Variants in MYBPC1 observed in about 807,000 individuals in gnomAD.
The protein encoded by MYBPC1 is myosin binding protein C1, also known as myosin-binding protein C, slow-type.
A neutral mutation model predicts 147.1 loss-of-function variants in MYBPC1; 52 were observed. The ratio of observed to expected loss-of-function variants is 0.35; its 90% CI spans 0.28 to 0.45. The LOEUF (loss-of-function observed/expected upper bound fraction) is 0.45. Ranked by LOEUF, MYBPC1 falls within the 20% of genes least tolerant of loss-of-function variation. The pLI is 1.00. For missense variants in MYBPC1, 1,228 were observed against 1,440.3 expected, an observed-to-expected ratio of 0.85 and a Z score of 2.39; for synonymous variants, 477 against 475.9, an observed-to-expected ratio of 1.00 and a Z score of -0.03.
chr12:101,632,666 G>A (rs1629916), intron 8 of MYBPC1, among the ~76,000 whole-genome samples: 21,432 of 152,256 alleles, frequency 0.14, 1,818 homozygotes, highest in Middle Eastern at 0.26. Context: ...TGACTTGGCA[G>A]CAAATATTAT....
At chr12:101,627,445 G>T (rs576352150) in intron 4 of MYBPC1, among the ~76,000 whole-genome samples, 3 of 152,170 alleles carry the variant, frequency 2.0e-5, no homozygotes, top group Non-Finnish European at 2.9e-5. Context: ...GTTTCACCAT[G>T]TTGGCCAGAC....
chr12:101,655,118 G>A (rs1253554224), intron 18 of MYBPC1, among the ~76,000 whole-genome samples: 1 of 92,010 alleles, frequency 1.1e-5, no homozygotes, highest in Admixed American at 1.0e-4. Context: ...ATGTAAATTA[G>A]AATAGCAGTC....
Position 101,595,144 on chromosome 12 carries a change from T to C in MYBPC1, c.25+49T>C, listed in dbSNP as rs115261887. On this transcript the variant is annotated intron_variant, in intron 1 of 31. Transcript: ENST00000361466. ...TTGTTGTACTCCTGAATAAAGTGTT[T>C]ATTTTGGTATTTATCTTCAAACAAA... is the stretch of plus-strand genomic sequence containing the variant. 1.0e-3 allele frequency: 1,544 copies of C among 1,476,694 alleles called. 27 individuals are homozygous for C. The African/African-American group carries it at 0.019, about 18-fold the overall frequency. 91.5% of individuals were successfully genotyped at this position (1,476,694 alleles called of 1,614,324 possible).
rs147558990 is a variant in MYBPC1 at position 101,614,235 on chromosome 12, C to A, written c.26-261C>A. 2.4e-3 allele frequency among the ~76,000 whole-genome samples: 359 copies of A among 152,222 alleles called. 2 individuals carry two copies. Among genetic ancestry groups the A allele is most frequent in the African/African-American group, 8.1e-3 (336 of 41,516 alleles). ...TACCTTTATCTTTCCATCACTACACCATGCCACCTCCTGGAAATCTATATA... is the reference window on the plus strand; with the variant it reads ...TACCTTTATCTTTCCATCACTACACAATGCCACCTCCTGGAAATCTATATA... On this transcript the variant is annotated intron_variant, in intron 1 of 31. Transcript: ENST00000361466.
At chr12:101,658,685 AAAAT>A (rs923784449) in intron 18 of MYBPC1, among the ~76,000 whole-genome samples, 5 of 152,208 alleles carry the variant, frequency 3.3e-5, no homozygotes, top group East Asian at 3.8e-4. Flanking sequence ...AGAAAAATAA[AAAAT>A]AAATAAAAAC....
At chr12:101,650,853 T>G in intron 15 of MYBPC1, 3 of 321,572 alleles carry the variant, frequency 9.3e-6, no homozygotes, top group Non-Finnish European at 1.8e-5. Flanking sequence ...TGTGAACTGT[T>G]GTGAAGCAGT....
chr12:101,623,220 T>C lies in MYBPC1; in HGVS notation c.104-3652T>C, dbSNP rs143567968. Among the ~76,000 whole-genome samples the C allele has an allele frequency of 3.3e-5, 5 of 152,230 alleles. No homozygotes were observed. The East Asian group carries it at 5.8e-4, about 18-fold the overall frequency. On this transcript the variant is annotated intron_variant, in intron 3 of 31. Coordinates refer to ENST00000361466, the MANE Select transcript of MYBPC1 (RefSeq NM_002465.4). ...TGGGTGTGGTGGCAGACGTCTGTAG[T>C]CTCAGCTACTCAGGAGGTTGAGGCA... is the stretch of plus-strand genomic sequence containing the variant.
intron 1 of MYBPC1, among the ~76,000 whole-genome samples, chr12:101,606,964 A>G (rs183238765): frequency 1.3e-5 from 2 of 152,080 alleles, no homozygotes; most frequent in African/African-American, 4.8e-5. Flanking sequence ...AGCTGGGACC[A>G]CAGGCACACA....
chr12:101,601,496 G>A (rs995633127), intron 1 of MYBPC1, among the ~76,000 whole-genome samples: 2 of 152,094 alleles, frequency 1.3e-5, no homozygotes, highest in African/African-American at 4.8e-5. Flanking sequence ...TGGCAGAGGC[G>A]GAGACCAGAA....
At chr12:101,615,340 C>CCAAA (rs1333897878) in intron 2 of MYBPC1, among the ~76,000 whole-genome samples, 6 of 152,112 alleles carry the variant, frequency 3.9e-5, no homozygotes, top group African/African-American at 1.2e-4. Flanking sequence ...CATAAAGACT[C>CCAAA]CAAAGTGGCC....
chr12:101,625,874 G>A (rs1483897469), intron 3 of MYBPC1, among the ~76,000 whole-genome samples: 5 of 151,772 alleles, frequency 3.3e-5, no homozygotes. Flanking sequence ...TCACAAGGTC[G>A]AGAGATCGAG....
chr12:101,623,152 A>G (rs946658285), intron 3 of MYBPC1, among the ~76,000 whole-genome samples: 3 of 152,184 alleles, frequency 2.0e-5, no homozygotes, highest in African/African-American at 4.8e-5. Flanking sequence ...CAGCCTGGCC[A>G]ATATGGTGAA....
chr12:101,612,523 C>T (rs774833137), intron 1 of MYBPC1, among the ~76,000 whole-genome samples: 40 of 152,238 alleles, frequency 2.6e-4, no homozygotes, highest in South Asian at 4.2e-4. Context: ...GCTTTGAATG[C>T]GAACCTGGGG....
Position 101,667,915 on chromosome 12 carries a change from T to C in MYBPC1, c.2524+16T>C. 1 of 1,612,612 alleles carries C rather than the reference T, an allele frequency of 6.2e-7. No homozygotes were observed. The highest frequency in any genetic ancestry group is 8.5e-7 in the Non-Finnish European group (1 of 1,179,202). On this transcript the variant is annotated intron_variant, in intron 23 of 31. Transcript: ENST00000361466. ...GAAATCATAGGTAGGAGACAAGGCT[T>C]TCAAAAGTTAGACTCCATTTTACAT...
At chr12:101,629,662 C>G (rs1166183008) in intron 6 of MYBPC1, 118 bp downstream of exon 6, 9 of 751,526 alleles carry the variant, frequency 1.2e-5, no homozygotes, top group Non-Finnish European at 1.8e-5. Flanking sequence ...CATTTGAGCT[C>G]AGGAGTTCGA....
In MYBPC1 at chr12:101,624,359, T is replaced by C. The variant is rs146618097; in HGVS notation, c.104-2513T>C. Among the ~76,000 whole-genome samples the C allele has an allele frequency of 3.0e-3, 463 of 152,342 alleles. 4 individuals are homozygous for C. Among genetic ancestry groups the C allele is most frequent in the Non-Finnish European group, 5.4e-3 (365 of 68,032 alleles). The stretch of plus-strand genomic sequence containing the variant: ...TCTAATAGATTATATAAAAACATAC[T>C]ATTTTATGTCTTTTTGTCAGGAATT... On this transcript the variant is annotated intron_variant, in intron 3 of 31. Coordinates refer to ENST00000361466, the MANE Select transcript of MYBPC1 (RefSeq NM_002465.4).
intron 18 of MYBPC1, among the ~76,000 whole-genome samples, chr12:101,656,251 C>T (rs2136356531): frequency 6.6e-6 from 1 of 151,940 alleles, no homozygotes; most frequent in Admixed American, 6.6e-5. Flanking sequence ...ATTAAAACCA[C>T]AAAAGGCAGA....
intron 18 of MYBPC1, among the ~76,000 whole-genome samples, chr12:101,659,019 A>G (rs1896067838): frequency 6.6e-6 from 1 of 152,110 alleles, no homozygotes; most frequent in Non-Finnish European, 1.5e-5. Flanking sequence ...TTTCAGGTTT[A>G]AGAAAGAAGA....
intron 10 of MYBPC1, among the ~76,000 whole-genome samples, chr12:101,639,289 C>T (rs982476201): frequency 6.6e-6 from 1 of 152,072 alleles, no homozygotes; most frequent in Non-Finnish European, 1.5e-5. Flanking sequence ...AGGTCTATCC[C>T]GAGGCTTGGA....
Sources: allele counts gnomAD v4.1 joint callset (sites outside exome capture counted in the v4.1 genomes callset), GRCh38; gene constraint gnomAD v4.1.1; transcripts MANE v1.5; gene names NCBI Gene and HGNC (gene_info 2026-07-23, HGNC 2026-07-21).